AMN: variants seen among roughly 807,000 people sequenced by gnomAD.
AMN encodes the protein amnion associated transmembrane protein.
AMN carries 40 observed loss-of-function variants against 49.1 expected under a neutral mutation model. That is an observed-to-expected ratio of 0.81 (90% CI 0.63 to 1.06). The LOEUF is 1.06. Ranked by LOEUF, AMN falls within the 50% of genes least tolerant of loss-of-function variation. The pLI is 0.00. For synonymous variants in AMN, 380 were observed against 313.3 expected, an observed-to-expected ratio of 1.21 and a Z score of -2.25; for missense variants, 701 against 662.8, an observed-to-expected ratio of 1.06 and a Z score of -0.63.
intron 6 of AMN, 31 bp from the exon 7 acceptor site, chr14:102,929,397 C>T (rs1891275968): frequency 6.5e-7 from 1 of 1,527,656 alleles, no homozygotes; most frequent in Non-Finnish European, 8.7e-7. Flanking sequence ...CCGCTCTGGC[C>T]CTCCGCGCTG....
rs1319981723 is a variant in AMN, at chr14:102,930,332, G to C, written c.1169+5G>C. 1 of 1,395,272 alleles carries C rather than the reference G, an allele frequency of 7.2e-7. No individual in the cohort carries two copies. The highest frequency in any genetic ancestry group is 3.4e-5 in the Admixed American group (1 of 29,332). The allele number at this position is 1,395,272 out of a possible 1,614,324, so 86.4% of individuals were successfully genotyped here. A position where few individuals can be genotyped will look rare whatever the true frequency, so the allele number is the denominator to read the frequency against. On this transcript the variant is annotated splice_donor_5th_base_variant and intron_variant, in intron 10 of 11. Transcript: ENST00000299155. ...GCGCCGCGCGGGGAGGCTCAGGTAC[G>C]CGGGGCGGGGGCGCGGAGGTGGGGC... is the stretch of plus-strand genomic sequence containing the variant.
intron 7 of AMN, 41 bp from the exon 8 acceptor site, chr14:102,929,614 G>C: frequency 6.5e-7 from 1 of 1,547,898 alleles, no homozygotes; most frequent in Non-Finnish European, 8.7e-7. Flanking sequence ...TTTCCTGCCG[G>C]GCCCGGATCC....
At position 102,923,002 on chromosome 14, in the gene AMN, C is replaced by G. The variant is rs1886118017; in HGVS notation, c.43+271C>G. 1.7e-5 allele frequency: 8 copies of G among 480,276 alleles called. No individual in the cohort carries two copies. The East Asian group carries it at 3.0e-4, about 18-fold the overall frequency. The allele number at this position is 480,276 out of a possible 1,614,324, so 29.8% of individuals were successfully genotyped here. A position where few individuals can be genotyped will look rare whatever the true frequency, so the allele number is the denominator to read the frequency against. ...CCCGGCCTCCGGCGGCTCCTGCCCT[C>G]GCGGTTTTTCCGTCTGCGAAATGGG... On this transcript the variant is annotated intron_variant, in intron 1 of 11. Transcript: ENST00000299155.
intron 4 of AMN, 112 bp downstream of exon 4, chr14:102,928,625 G>T: frequency 6.7e-7 from 1 of 1,491,090 alleles, no homozygotes; most frequent in Non-Finnish European, 9.1e-7. Context: ...CTCCGGGGGC[G>T]TGGTTTAGGG....
Position 102,928,840 on chromosome 14 carries a change from C to T in AMN, c.378C>T (p.Gly126=). The change falls in exon 5 of 12, where the codon GGC becomes GGT. Residue 126 remains glycine (G), a synonymous_variant. Transcript: ENST00000299155. ...GGCGCTCTGGGGACGAGGCACCTGGCCTCTTCTTCGTGGACGCCGAGCGCG... is the reference window on the plus strand; with the variant it reads ...GGCGCTCTGGGGACGAGGCACCTGGTCTCTTCTTCGTGGACGCCGAGCGCG... ...HLWRSGDEAP[G]LFFVDAERVP... 6.2e-7 allele frequency: 1 copy of T among 1,606,194 alleles called. No individual in the cohort carries two copies.
chr14:102,929,370 G>T (rs975146429), intron 6 of AMN, 58 bp from the exon 7 acceptor site: 10 of 1,515,376 alleles, frequency 6.6e-6, no homozygotes, highest in African/African-American at 1.4e-5. Context: ...CGGAGGCATC[G>T]CCCTTCTCGC....
rs369865835 is a variant in AMN, at chr14:102,929,935, C to T, written c.855C>T (p.His285=). The change falls in exon 9 of 12, where the codon CAC becomes CAT. Residue 285 remains histidine (H), a synonymous_variant. Transcript: ENST00000299155. ...GTCCCCCTCCCCAGCCTCAGTACCA[C>T]GGGCTGCAGGTGGCCGTGTCCAAGG... ...LDTFLGLPQY[H]GLQVAVSKVP... is the part of the protein sequence containing the mutation. The T allele has an allele frequency of 6.4e-6, 10 of 1,559,974 alleles. 1 individual carries two copies. The highest frequency in any genetic ancestry group is 3.3e-4 in the Middle Eastern group (2 of 5,994).
chr14:102,922,827 G>A (rs540052204), intron 1 of AMN, 96 bp downstream of exon 1: 5 of 1,482,816 alleles, frequency 3.4e-6, no homozygotes, highest in Admixed American at 2.0e-5. Flanking sequence ...AAGATCTTCC[G>A]AGGAGTGGGC....
At position 102,928,942 on chromosome 14, in the gene AMN, C is replaced by G; in HGVS notation, c.480C>G (p.Pro160=). 1 of 1,600,222 alleles carries G rather than the reference C, an allele frequency of 6.2e-7. No individual in the cohort carries two copies. The highest frequency in any genetic ancestry group is 2.2e-5 in the East Asian group (1 of 44,864). Residue 160 remains proline (P), a synonymous_variant, in exon 5 of 12, where the codon CCC becomes CCG. Transcript: ENST00000299155. The part of the protein sequence containing the change: ...FRVGLGPGAS[P]VRVRSISALG... ...TGGGGCTCGGCCCTGGCGCTAGCCC[C>G]GTGCGTGTCCGCAGCATCTCGGCTC...
Position 102,930,095 on chromosome 14 carries a change from GCCCGCCCCATCCCGC to G in AMN, c.1006+16_1006+30del, listed in dbSNP as rs386834160. 6.5e-7 allele frequency: 1 copy of G among 1,529,310 alleles called. No individual in the cohort carries two copies. Among genetic ancestry groups the G allele is most frequent in the South Asian group, 1.2e-5 (1 of 82,478 alleles). The allele number at this position is 1,529,310 out of a possible 1,614,324, so 94.7% of individuals were successfully genotyped here. ...GGACGTCGCCGAGAACGGTAACCGC[GCCCGCCCCATCCCGC>G]CCCGCCGCGCCTCGCCCCGCCGCGG... On this transcript the variant is annotated intron_variant, in intron 9 of 11. Transcript: ENST00000299155.
At chr14:102,923,162 C>T (rs956685819) in intron 1 of AMN, 16 of 239,756 alleles carry the variant, frequency 6.7e-5, no homozygotes, top group South Asian at 1.7e-4. Context: ...GTCCCTGGCG[C>T]CCCCTTCCCT....
intron 3 of AMN, among the ~76,000 whole-genome samples, chr14:102,924,411 G>A (rs1395213009): frequency 1.3e-5 from 2 of 152,156 alleles, no homozygotes; most frequent in Non-Finnish European, 2.9e-5. Context: ...AGGAAGAGGC[G>A]AGCCCACTCC....
At chr14:102,922,759 C>T in intron 1 of AMN, 28 bp downstream of exon 1, 3 of 1,568,358 alleles carry the variant, frequency 1.9e-6, no homozygotes, top group South Asian at 1.2e-5. Flanking sequence ...CGGTGCGGGC[C>T]CGGACGGTAG....
In AMN at chr14:102,928,524, C is replaced by A; in HGVS notation, c.295+11C>A. 4 of 1,598,060 alleles carry A rather than the reference C, an allele frequency of 2.5e-6. No individual in the cohort carries two copies. The highest frequency in any genetic ancestry group is 1.1e-5 in the South Asian group (1 of 89,952). ...TGGACTGTGGCGCGGGTGAGGCGGT[C>A]GGGCAGGGGCGGGGCTCTGGAAAGG... is the stretch of plus-strand genomic sequence containing the variant. On this transcript the variant is annotated intron_variant, in intron 4 of 11. Transcript: ENST00000299155.
At position 102,930,624 on chromosome 14, in the gene AMN, A is replaced by ACCAGCCACAGTTACTT. The variant is rs2139314176; in HGVS notation, c.1308_1323dup (p.Val442GlnfsTer?). 1 of 1,588,602 alleles carries ACCAGCCACAGTTACTT rather than the reference A, an allele frequency of 6.3e-7. No homozygotes were observed. ...GGTTCCGAAGGCGGCCGCAGACAGC[A>ACCAGCCACAGTTACTT]CCAGCCACAGTTACTTCGTCAACCC... On this transcript the variant is annotated frameshift_variant, in exon 12 of 12. Coordinates refer to ENST00000299155, the MANE Select transcript of AMN (RefSeq NM_030943.4). LOFTEE classifies it high-confidence loss of function.
intron 5 of AMN, 42 bp downstream of exon 5, chr14:102,929,017 C>T (rs1891263186): frequency 1.9e-6 from 3 of 1,594,650 alleles, no homozygotes; most frequent in African/African-American, 1.3e-5. Flanking sequence ...CCTCTCCCCA[C>T]CTCGGCCCGA....
At chr14:102,927,845 G>A (rs569489892) in intron 3 of AMN, among the ~76,000 whole-genome samples, 1 of 152,298 alleles carries the variant, frequency 6.6e-6, no homozygotes, top group South Asian at 2.1e-4. Flanking sequence ...CACTTCTGTG[G>A]TGCGGGAGCT....
rs529450130 is a variant in AMN at position 102,925,754 on chromosome 14, G to A, written c.207+1775G>A. ...TTCATTCATTGATCATCCATTGGCC[G>A]GTGGGAACAGCGCAGGGGCAGGGGA... On this transcript the variant is annotated intron_variant, in intron 3 of 11. Transcript: ENST00000299155. Among the ~76,000 whole-genome samples, 14 of 152,236 alleles carry A rather than the reference G, an allele frequency of 9.2e-5. No homozygotes were observed. The South Asian group carries it at 1.2e-3, about 14-fold the overall frequency.
intron 3 of AMN, among the ~76,000 whole-genome samples, chr14:102,925,053 C>T (rs1891155632): frequency 6.6e-6 from 1 of 152,246 alleles, no homozygotes; most frequent in African/African-American, 2.4e-5. Context: ...GGCAGCCCAC[C>T]AGCTTCCAGG....
Sources: gnomAD v4.1 joint callset for allele counts (sites outside exome capture counted in the v4.1 genomes callset) on GRCh38, gnomAD v4.1.1 for gene constraint, MANE v1.5 for transcripts, NCBI Gene and HGNC (gene_info 2026-07-23, HGNC 2026-07-21) for gene names.